Variants in EBF1 observed in about 807,000 individuals in gnomAD.
EBF1 encodes EBF transcription factor 1, also known as transcription factor COE1.
In EBF1, 10 loss-of-function variants were observed where a neutral mutation model predicts 68.4. The ratio of observed to expected loss-of-function variants is 0.15; its 90% CI spans 0.09 to 0.25. EBF1 has a LOEUF of 0.25. EBF1 is among the 10% of genes least tolerant of loss of function. EBF1 has a pLI of 1.00. For synonymous variants in EBF1, 298 were observed against 299.8 expected (o/e 0.99, Z 0.06); for missense variants, 509 against 794.4 (o/e 0.64, Z 4.32).
At chr5:158,876,796 C>T (rs1390110277) in intron 6 of EBF1, among the ~76,000 whole-genome samples, 7 of 152,250 alleles carry the variant, frequency 4.6e-5, no homozygotes, top group African/African-American at 1.2e-4. Flanking sequence ...AGCCCCCTTT[C>T]GATTGTATTA....
At chr5:158,747,142 G>A (rs1767762974) in intron 10 of EBF1, among the ~76,000 whole-genome samples, 1 of 152,144 alleles carries the variant, frequency 6.6e-6, no homozygotes. Context: ...GAAAGCCTAA[G>A]TGACCAGTGT....
At chr5:158,952,997 T>A (rs529929211) in intron 6 of EBF1, among the ~76,000 whole-genome samples, 167 of 152,322 alleles carry the variant, frequency 1.1e-3, no homozygotes, top group African/African-American at 3.9e-3. Context: ...AAATCCTTTT[T>A]TTTTTTTAAG....
chr5:158,838,624 G>C (rs529175212), intron 7 of EBF1, among the ~76,000 whole-genome samples: 86 of 152,196 alleles, frequency 5.7e-4, no homozygotes, highest in South Asian at 2.3e-3. Flanking sequence ...CTCCTTAAAA[G>C]AAATCATCTT....
intron 14 of EBF1, among the ~76,000 whole-genome samples, chr5:158,709,015 C>T (rs915574856): frequency 3.9e-5 from 6 of 152,276 alleles, no homozygotes; most frequent in Admixed American, 1.3e-4. Context: ...GCTCGGTAGA[C>T]GTACATTCTC....
intron 6 of EBF1, among the ~76,000 whole-genome samples, chr5:159,051,022 C>T (rs1206229149): frequency 1.3e-5 from 2 of 151,970 alleles, no homozygotes; most frequent in African/African-American, 2.4e-5. Flanking sequence ...AGCAATTATA[C>T]GAATGTTAGG....
At chr5:158,922,635 TAAG>T (rs1389072224) in intron 6 of EBF1, among the ~76,000 whole-genome samples, 3 of 151,598 alleles carry the variant, frequency 2.0e-5, no homozygotes, top group African/African-American at 4.9e-5. Context: ...TACGGAAAGT[TAAG>T]AAGCTGAAAA....
chr5:158,720,255 A>T (rs958020893), intron 11 of EBF1, among the ~76,000 whole-genome samples: 2 of 152,102 alleles, frequency 1.3e-5, no homozygotes, highest in African/African-American at 4.8e-5. Flanking sequence ...ATCTTTCCCC[A>T]CTGACTTCTG....
chr5:158,893,328 A>G (rs1417021008), intron 6 of EBF1, among the ~76,000 whole-genome samples: 1 of 152,202 alleles, frequency 6.6e-6, no homozygotes, highest in East Asian at 1.9e-4. Context: ...GGCATTCCTT[A>G]TAAATCAGTG....
At chr5:158,795,729 C>G (rs1259880207) in intron 9 of EBF1, among the ~76,000 whole-genome samples, 1 of 152,162 alleles carries the variant, frequency 6.6e-6, no homozygotes, top group Admixed American at 6.6e-5. Context: ...AGAACAATCA[C>G]AGTGCTTGGA....
chr5:159,096,272 T>A (rs1204310603), intron 3 of EBF1, 71 bp downstream of exon 3: 2 of 1,488,036 alleles, frequency 1.3e-6, no homozygotes, highest in African/African-American at 1.4e-5. Flanking sequence ...TTCGTCCACC[T>A]GGAGCTCCCT....
rs572545903 is a variant in EBF1, at chr5:159,042,274, G to A, written c.554+31122C>T. ...CACAGAAGCAGGGAATGAGGACGTG[G>A]CAAACCTTGACGGTCCTTTCATCCA... On this transcript the variant is annotated intron_variant, in intron 6 of 15. Coordinates refer to ENST00000313708, the MANE Select transcript of EBF1 (RefSeq NM_024007.5). Among the ~76,000 whole-genome samples, 96 of 152,168 alleles carry A rather than the reference G, an allele frequency of 6.3e-4. 1 individual carries two copies. Among genetic ancestry groups the A allele is most frequent in the African/African-American group, 2.1e-3 (89 of 41,530 alleles).
intron 8 of EBF1, among the ~76,000 whole-genome samples, chr5:158,814,832 A>G (rs970753956): frequency 9.9e-5 from 15 of 152,194 alleles, no homozygotes; most frequent in Non-Finnish European, 1.9e-4. Flanking sequence ...CTAGTCATCG[A>G]ATAAAATCAG....
intron 6 of EBF1, among the ~76,000 whole-genome samples, chr5:158,956,717 T>G (rs1414255589): frequency 6.6e-6 from 1 of 151,726 alleles, no homozygotes; most frequent in Non-Finnish European, 1.5e-5. Context: ...ATGTTAAGCA[T>G]GTACTACCAC....
intron 15 of EBF1, among the ~76,000 whole-genome samples, chr5:158,707,140 C>T (rs1378976172): frequency 6.6e-6 from 1 of 152,186 alleles, no homozygotes; most frequent in Non-Finnish European, 1.5e-5. Flanking sequence ...GTTTTCTCAT[C>T]TGTCAAATAG....
intron 6 of EBF1, among the ~76,000 whole-genome samples, chr5:159,058,732 C>A (rs1775237901): frequency 6.6e-6 from 1 of 152,194 alleles, no homozygotes; most frequent in Non-Finnish European, 1.5e-5. Flanking sequence ...GGGCTAATTT[C>A]TTAGTAATAT....
At chr5:158,766,499 A>G (rs1581700476) in intron 10 of EBF1, among the ~76,000 whole-genome samples, 2 of 152,314 alleles carry the variant, frequency 1.3e-5, no homozygotes, top group African/African-American at 4.8e-5. Flanking sequence ...TATGTGAAAT[A>G]TTGTAAGTAG....
intron 14 of EBF1, among the ~76,000 whole-genome samples, chr5:158,709,641 T>C (rs1323042937): frequency 6.6e-6 from 1 of 152,188 alleles, no homozygotes; most frequent in Non-Finnish European, 1.5e-5. Context: ...CACTACCCAA[T>C]CCACACGCAC....
chr5:158,984,980 G>A (rs570389660), intron 6 of EBF1, among the ~76,000 whole-genome samples: 4 of 152,126 alleles, frequency 2.6e-5, no homozygotes, highest in Admixed American at 6.5e-5. Context: ...ACCAAACTCA[G>A]CCCAATGCTG....
chr5:159,062,363 TCTGC>T (rs1776023174), intron 6 of EBF1, among the ~76,000 whole-genome samples: 1 of 152,100 alleles, frequency 6.6e-6, no homozygotes, highest in South Asian at 2.1e-4. Flanking sequence ...CAAGCTCCCG[TCTGC>T]CCAGGTGGCC....
Sources: allele counts gnomAD v4.1 joint callset (sites outside exome capture counted in the v4.1 genomes callset), GRCh38; gene constraint gnomAD v4.1.1; transcripts MANE v1.5; gene names NCBI Gene and HGNC (gene_info 2026-07-23, HGNC 2026-07-21).